The following EPRS1 variants were observed in gnomAD, a reference collection of about 807,000 sequenced individuals.
The protein encoded by EPRS1 is bifunctional glutamate/proline--tRNA ligase.
In EPRS1, 107 loss-of-function variants were observed where a neutral mutation model predicts 188.3. The observed-to-expected ratio is 0.57, with a 90% CI of 0.49 to 0.67. The LOEUF is 0.67. EPRS1 is among the 30% of genes least tolerant of loss of function. The probability of loss-of-function intolerance (pLI) is 0.00; values close to 1 mark genes in which losing one functional copy is unlikely to be tolerated. For synonymous variants in EPRS1, 596 were observed against 593.1 expected (o/e 1.00, Z -0.07); for missense variants, 1,577 against 1,802.2 (o/e 0.88, Z 2.26).
rs956183601 is a variant in EPRS1 at position 220,025,212 on chromosome 1, A to G, written c.670T>C (p.Tyr224His). The change falls in exon 7 of 32, where the codon TAC becomes CAC. Residue 224 changes from tyrosine (Y) to histidine (H), a missense_variant. Coordinates refer to ENST00000366923, the MANE Select transcript of EPRS1 (RefSeq NM_004446.3). ...HAKAALLNQH[Y>H]QVNFKGKLIM... Reference sequence around the variant, plus strand: ...AGTTTCCCTTTAAAGTTAACCTGGTAGTGCTGGTTCAGAAGAGCAGCTTTT... The same window carrying G: ...AGTTTCCCTTTAAAGTTAACCTGGTGGTGCTGGTTCAGAAGAGCAGCTTTT... The G allele has an allele frequency of 3.1e-6, 5 of 1,611,712 alleles. No individual in the cohort carries two copies. The African/African-American group carries it at 6.7e-5, about 22-fold the overall frequency.
chr1:219,969,109 G>A lies in EPRS1; in HGVS notation c.4337C>T (p.Pro1446Leu), dbSNP rs1162526799. The A allele has an allele frequency of 6.2e-7, 1 of 1,607,990 alleles. No homozygotes were observed. Among genetic ancestry groups the A allele is most frequent in the South Asian group, 1.1e-5 (1 of 90,926 alleles). Residue 1446 changes from proline to leucine, a missense_variant, in exon 31 of 32, where the codon CCA (proline) becomes CTA (leucine). Physicochemically the swap from Pro to Leu is moderately conservative, Grantham distance 98 (BLOSUM62 -3). This residue lies in a region of EPRS1 where 296 missense variants were observed against 327.9 expected (regional missense o/e 0.90). Coordinates refer to ENST00000366923, the MANE Select transcript of EPRS1 (RefSeq NM_004446.3). ...ILDSGKIVQI[P>L]FCGEIDCEDW... ...CTCACAGTCAATTTCCCCACAGAAT[G>A]GAATCTGAACAATCTAATTAAGAAA...
chr1:220,022,474 T>A lies in EPRS1; in HGVS notation c.988A>T (p.Ser330Cys), dbSNP rs1661896421. 1 of 1,613,778 alleles carries A rather than the reference T, an allele frequency of 6.2e-7. No homozygotes were observed. Among genetic ancestry groups the A allele is most frequent in the African/African-American group, 1.3e-5 (1 of 74,930 alleles). Residue 330 changes from serine (S) to cysteine (C), a missense_variant, in exon 9 of 32, where the codon AGC becomes TGC. Physicochemically the swap from Ser to Cys is moderately radical, Grantham distance 112. Coordinates refer to ENST00000366923, the MANE Select transcript of EPRS1 (RefSeq NM_004446.3). ...LQMWEEMKKG[S>C]QFGQSCCLRA... ...AAACAACAGGACTGACCAAACTGGC[T>A]CCCTTTTTTCATTTCTTCCCACATT... is the stretch of plus-strand genomic sequence containing the variant.
chr1:220,001,121 T>C lies in EPRS1; in HGVS notation c.2181+17A>G, dbSNP rs749465201. On this transcript the variant is annotated intron_variant, in intron 17 of 31. Transcript: ENST00000366923. The stretch of plus-strand genomic sequence containing the variant: ...AAGACCATTTATTTTTATACACATA[T>C]CCGTAAAAGTCATTACCTCATTTTT... The C allele has an allele frequency of 1.2e-5, 16 of 1,310,482 alleles. No homozygotes were observed. Among genetic ancestry groups the C allele is most frequent in the Admixed American group, 1.7e-5 (1 of 59,488 alleles). 81.2% of individuals were successfully genotyped at this position (1,310,482 alleles called of 1,614,324 possible). A position where few individuals can be genotyped will look rare whatever the true frequency, so the allele number is the denominator to read the frequency against.
intron 7 of EPRS1, 80 bp from the exon 8 acceptor site, chr1:220,024,536 A>G: frequency 1.1e-6 from 1 of 890,766 alleles, no homozygotes; most frequent in Non-Finnish European, 1.7e-6. Flanking sequence ...ACTGCATTTA[A>G]GCAAATGTAA....
intron 21 of EPRS1, 105 bp downstream of exon 21, chr1:219,984,101 T>C (rs1660957061): frequency 1.3e-5 from 10 of 778,314 alleles, no homozygotes; most frequent in Non-Finnish European, 1.8e-5. Flanking sequence ...AAAGGCATTA[T>C]ACAACATTAT....
At chr1:219,989,837 T>C (rs952775000) in intron 18 of EPRS1, among the ~76,000 whole-genome samples, 7 of 152,292 alleles carry the variant, frequency 4.6e-5, no homozygotes, top group Admixed American at 1.3e-4. Flanking sequence ...ATTGTCTGAT[T>C]TGTACTCCTG....
Position 219,978,612 on chromosome 1 carries a change from G to T in EPRS1, c.4017C>A (p.Ile1339=). ...DYRRRLLSVN[I]RVRADLRDNY... ...TATCTCGTAAATCAGCTCTAACGCG[G>T]ATGTTAACACTGAGTAATCGCCTTC... is the stretch of plus-strand genomic sequence containing the variant. Residue 1339 remains isoleucine (I), a synonymous_variant, in exon 28 of 32, where the codon ATC becomes ATA. Transcript: ENST00000366923. 6.2e-7 allele frequency: 1 copy of T among 1,609,722 alleles called. No homozygotes were observed.
chr1:220,016,989 C>A (rs1571686551), intron 12 of EPRS1, among the ~76,000 whole-genome samples: 1 of 151,770 alleles, frequency 6.6e-6, no homozygotes, highest in South Asian at 2.1e-4. Context: ...CAGAGGTGGG[C>A]GGATCACAAG....
intron 30 of EPRS1, among the ~76,000 whole-genome samples, chr1:219,971,677 G>A (rs1660665566): frequency 6.6e-6 from 1 of 151,126 alleles, no homozygotes; most frequent in Non-Finnish European, 1.5e-5. Context: ...TTAGAAAGTA[G>A]CATATCAAAC....
chr1:220,007,821 T>C (rs376148856), intron 13 of EPRS1, among the ~76,000 whole-genome samples: 5 of 152,298 alleles, frequency 3.3e-5, no homozygotes, highest in African/African-American at 9.6e-5. Flanking sequence ...TCCCAGCACT[T>C]TGGGTGGCCA....
rs865897334 is a variant in EPRS1 at position 219,996,044 on chromosome 1, T to G, written c.2541+939A>C. 9.8e-5 allele frequency among the ~76,000 whole-genome samples: 15 copies of G among 152,300 alleles called. No homozygotes were observed. The Middle Eastern group carries it at 0.01, about 104-fold the overall frequency. On this transcript the variant is annotated intron_variant, in intron 18 of 31. Transcript: ENST00000366923. ...GAATTGTTTTTCGTTGCAGTACTAT[T>G]TATCTGATCATGTCTTAAACTATGC...
At chr1:219,994,637 CTTCTTTTTTTTTTTTT>C (rs1029259812) in intron 18 of EPRS1, among the ~76,000 whole-genome samples, 2 of 121,032 alleles carry the variant, frequency 1.7e-5, no homozygotes, top group Non-Finnish European at 3.3e-5. Flanking sequence ...GTGGTAACTT[CTTCTTTTTTTTTTTTT>C]TTTTTTTTTT....
chr1:219,983,398 C>T lies in EPRS1; in HGVS notation c.3091G>A (p.Val1031Ile), dbSNP rs1454781414. 1 of 1,605,364 alleles carries T rather than the reference C, an allele frequency of 6.2e-7. No individual in the cohort carries two copies. Among genetic ancestry groups the T allele is most frequent in the Non-Finnish European group, 8.5e-7 (1 of 1,175,628 alleles). ...TCAATCATTTCTGACTTTGTGATGA[C>T]CTTTTTAAAAGAAAAATAGTCTTTA... ...EENLADWYSQ[V>I]ITKSEMIEYH... Residue 1031 changes from valine to isoleucine, a missense_variant and splice_region_variant, in exon 22 of 32, where the codon GTC becomes ATC. Physicochemically the swap from Val to Ile is conservative, Grantham distance 29. Around this residue, in one of 3 missense-constraint regions of EPRS1, gnomAD observed 1,278 missense variants for 1,457.4 expected, o/e 0.88. Coordinates refer to ENST00000366923, the MANE Select transcript of EPRS1 (RefSeq NM_004446.3).
chr1:220,026,538 GTT>G lies in EPRS1; in HGVS notation c.624-1282_624-1281del, dbSNP rs544380389. ...TTTTTTTGTTGTTGTTGTTTTGTTT[GTT>G]TTTTTTTTGAGACGGACTCTCGCTC... On this transcript the variant is annotated intron_variant, in intron 6 of 31. Coordinates refer to ENST00000366923, the MANE Select transcript of EPRS1 (RefSeq NM_004446.3). 2.0e-5 allele frequency among the ~76,000 whole-genome samples: 3 copies of G among 147,270 alleles called. No individual in the cohort carries two copies. In the Admixed American group the frequency reaches 2.0e-4, roughly 10 times the overall value.
chr1:220,032,156 G>A (rs935287689), intron 5 of EPRS1, among the ~76,000 whole-genome samples: 22 of 151,622 alleles, frequency 1.5e-4, no homozygotes, highest in Admixed American at 2.6e-4. Flanking sequence ...CTCACTGCAA[G>A]CTCCGCCTCC....
chr1:220,030,245 C>G, intron 6 of EPRS1, 141 bp downstream of exon 6: 1 of 550,874 alleles, frequency 1.8e-6, no homozygotes. Flanking sequence ...ACTGTTAAAA[C>G]GTTTAGAATT....
intron 28 of EPRS1, among the ~76,000 whole-genome samples, chr1:219,975,179 T>A (rs181857845): frequency 6.6e-6 from 1 of 152,092 alleles, no homozygotes; most frequent in Admixed American, 6.6e-5. Context: ...CAGCAGGGTG[T>A]CTGAGCCTCA....
At chr1:220,021,553 C>T (rs989066316) in intron 9 of EPRS1, among the ~76,000 whole-genome samples, 15 of 152,174 alleles carry the variant, frequency 9.9e-5, no homozygotes, top group African/African-American at 3.6e-4. Context: ...CTGCATTATG[C>T]TTTGCAATTA....
At chr1:219,970,036 G>T (rs1290563667) in intron 30 of EPRS1, among the ~76,000 whole-genome samples, 1 of 152,118 alleles carries the variant, frequency 6.6e-6, no homozygotes, top group Non-Finnish European at 1.5e-5. Context: ...TGGCCAGGCT[G>T]GTCTCAAACT....
Sources: allele counts gnomAD v4.1 joint callset (sites outside exome capture counted in the v4.1 genomes callset), GRCh38; gene constraint gnomAD v4.1.1; regional missense constraint gnomAD v4.1.1; transcripts MANE v1.5; gene names NCBI Gene and HGNC (gene_info 2026-07-23, HGNC 2026-07-21).